PSD3: variants seen among roughly 807,000 people sequenced by gnomAD.
The protein encoded by PSD3 is pleckstrin and Sec7 domain containing 3.
PSD3 carries 49 observed loss-of-function variants against 105.5 expected under a neutral mutation model. The ratio of observed to expected loss-of-function variants is 0.46; its 90% confidence interval spans 0.37 to 0.59. The LOEUF (loss-of-function observed/expected upper bound fraction) is 0.59. PSD3 is among the 20% of genes least tolerant of loss of function. The pLI is 0.00. For synonymous variants in PSD3, 557 were observed against 457.8 expected (o/e 1.22, Z -2.77); for missense variants, 1,561 against 1,263.8 (o/e 1.24, Z -3.57).
chr8:18,665,156 A>G (rs1385171200), intron 9 of PSD3, among the ~76,000 whole-genome samples: 2 of 152,246 alleles, frequency 1.3e-5, no homozygotes, highest in East Asian at 3.8e-4. Flanking sequence ...CAAGGCTGTA[A>G]CTGCCATAGA....
At chr8:18,828,804 C>A (rs1488332976) in intron 4 of PSD3, among the ~76,000 whole-genome samples, 4 of 150,724 alleles carry the variant, frequency 2.7e-5, no homozygotes, top group East Asian at 2.0e-4. Flanking sequence ...CTATTATAAA[C>A]AAACAAACAA....
Position 18,877,483 on chromosome 8 carries a change from A to C in PSD3, c.131-4750T>G, listed in dbSNP as rs548221443. ...AAAAATCAAACATATACATATATTAATATATATGCAAAGGTTTATTTCTGG... is the reference window on the plus strand; with the variant it reads ...AAAAATCAAACATATACATATATTACTATATATGCAAAGGTTTATTTCTGG... On this transcript the variant is annotated intron_variant, in intron 2 of 15. Transcript: ENST00000327040. 3.3e-5 allele frequency among the ~76,000 whole-genome samples: 5 copies of C among 151,916 alleles called. No homozygotes were observed. In the South Asian group the frequency reaches 1.0e-3, roughly 31 times the overall value.
At chr8:18,873,858 CCA>C (rs1319853968) in intron 2 of PSD3, among the ~76,000 whole-genome samples, 1 of 152,124 alleles carries the variant, frequency 6.6e-6, no homozygotes, top group Non-Finnish European at 1.5e-5. Context: ...ACGAAGAACC[CCA>C]ATACACGAAG....
chr8:19,056,791 A>G (rs1406764465), intron 1 of PSD3, among the ~76,000 whole-genome samples: 1 of 152,226 alleles, frequency 6.6e-6, no homozygotes, highest in Non-Finnish European at 1.5e-5. Context: ...ATAAGTGAAC[A>G]AAGACAAAAG....
chr8:18,782,217 T>C (rs958721531), intron 8 of PSD3, among the ~76,000 whole-genome samples: 3 of 152,188 alleles, frequency 2.0e-5, no homozygotes, highest in Non-Finnish European at 4.4e-5. Context: ...GTTCCTTTGA[T>C]GGTTTCATGC....
chr8:18,705,482 G>C (rs768977534), intron 9 of PSD3, among the ~76,000 whole-genome samples: 20 of 137,442 alleles, frequency 1.5e-4, no homozygotes, highest in Non-Finnish European at 2.4e-4. Context: ...AGTGAGCTGA[G>C]ACCGTGCCAC....
At chr8:18,608,132 A>G (rs1188850364) in intron 11 of PSD3, among the ~76,000 whole-genome samples, 6 of 152,138 alleles carry the variant, frequency 3.9e-5, no homozygotes, top group African/African-American at 9.7e-5. Context: ...AAGTAGGAGG[A>G]CTGTTTCAGT....
At chr8:18,587,486 G>C (rs1218818379) in intron 12 of PSD3, among the ~76,000 whole-genome samples, 1 of 152,050 alleles carries the variant, frequency 6.6e-6, no homozygotes, top group Non-Finnish European at 1.5e-5. Flanking sequence ...AATGTAAAAA[G>C]TAGTTTGCCA....
chr8:19,023,637 A>G (rs1237046798), intron 1 of PSD3, among the ~76,000 whole-genome samples: 3 of 151,966 alleles, frequency 2.0e-5, no homozygotes, highest in African/African-American at 7.3e-5. Flanking sequence ...GGTTCTCACT[A>G]TGTTGCCCAG....
intron 4 of PSD3, among the ~76,000 whole-genome samples, chr8:18,866,780 T>A (rs1816968219): frequency 8.6e-6 from 1 of 115,832 alleles, no homozygotes; most frequent in South Asian, 2.7e-4. Flanking sequence ...TAATACTGGC[T>A]TTTTTTTTTT....
At chr8:18,769,700 T>C (rs1285221675) in intron 8 of PSD3, among the ~76,000 whole-genome samples, 1 of 152,224 alleles carries the variant, frequency 6.6e-6, no homozygotes, top group Admixed American at 6.5e-5. Flanking sequence ...CAGATTTGCC[T>C]ATTCAGGACA....
chr8:18,544,393 G>A (rs1425377323), intron 15 of PSD3, among the ~76,000 whole-genome samples: 1 of 151,550 alleles, frequency 6.6e-6, no homozygotes, highest in Non-Finnish European at 1.5e-5. Context: ...AAGCTATGCT[G>A]GAAATAACAT....
At chr8:18,585,533 G>C (rs891406030) in intron 12 of PSD3, among the ~76,000 whole-genome samples, 1 of 152,056 alleles carries the variant, frequency 6.6e-6, no homozygotes, top group Non-Finnish European at 1.5e-5. Context: ...GCCCAGGCTG[G>C]TCTTGAACCC....
At chr8:18,644,544 A>G (rs1434445668) in intron 10 of PSD3, among the ~76,000 whole-genome samples, 1 of 152,174 alleles carries the variant, frequency 6.6e-6, no homozygotes, top group Non-Finnish European at 1.5e-5. Context: ...GGACTTTACT[A>G]TGCATGTTTC....
intron 8 of PSD3, among the ~76,000 whole-genome samples, chr8:18,796,726 A>G (rs915238706): frequency 2.6e-5 from 4 of 152,158 alleles, no homozygotes; most frequent in Non-Finnish European, 5.9e-5. Flanking sequence ...TATGAGGACA[A>G]GCTGGTCTTG....
chr8:18,883,282 C>A (rs1282627743), intron 2 of PSD3, among the ~76,000 whole-genome samples: 1 of 152,230 alleles, frequency 6.6e-6, no homozygotes, highest in East Asian at 1.9e-4. Context: ...ACTCAGAGGT[C>A]CAACTGTTCA....
Position 18,752,595 on chromosome 8 carries a change from ATATATT to A in PSD3, c.2172+12848_2172+12853del, listed in dbSNP as rs1489000143. On this transcript the variant is annotated intron_variant, in intron 9 of 15. Transcript: ENST00000327040. ...TATATAATTATATATATTATATATT[ATATATT>A]ATATATAATACATATAATATATATT... 4.1e-3 allele frequency among the ~76,000 whole-genome samples: 348 copies of A among 84,344 alleles called. 12 individuals carry two copies. Among genetic ancestry groups the A allele is most frequent in the Admixed American group, 0.025 (121 of 4,788 alleles). The allele number at this position is 84,344 out of a possible 152,430, so 55.3% of individuals were successfully genotyped here.
intron 4 of PSD3, among the ~76,000 whole-genome samples, chr8:18,857,400 G>A (rs566505119): frequency 6.6e-6 from 1 of 152,174 alleles, no homozygotes; most frequent in African/African-American, 2.4e-5. Context: ...TCCAGGTGAT[G>A]TCTGTTAGTC....
chr8:18,687,075 G>C (rs368403618), intron 9 of PSD3, among the ~76,000 whole-genome samples: 1 of 152,194 alleles, frequency 6.6e-6, no homozygotes, highest in Non-Finnish European at 1.5e-5. Context: ...CTGGTGAAGA[G>C]CCGGAGCTCA....
Sources: gnomAD v4.1 joint callset for allele counts (sites outside exome capture counted in the v4.1 genomes callset) on GRCh38, gnomAD v4.1.1 for gene constraint, MANE v1.5 for transcripts, NCBI Gene and HGNC (gene_info 2026-07-23, HGNC 2026-07-21) for gene names.